The following TM4SF18 variants were observed in gnomAD, a reference collection of about 807,000 sequenced individuals.
TM4SF18 encodes the protein transmembrane 4 L6 family member 18.
In TM4SF18, 22 loss-of-function variants were observed where a neutral mutation model predicts 23.8. That is an observed-to-expected ratio of 0.92 (90% CI 0.66 to 1.32). The LOEUF (loss-of-function observed/expected upper bound fraction) is 1.32, where lower values mean the gene tolerates loss of function less well. Among genes scored for constraint, TM4SF18 ranks in the 40% most tolerant of loss-of-function variants. The probability of loss-of-function intolerance (pLI) is 0.00; values close to 1 mark genes in which losing one functional copy is unlikely to be tolerated. For synonymous variants in TM4SF18, 87 were observed against 87.9 expected, an observed-to-expected ratio of 0.99 and a Z score of 0.06; for missense variants, 255 against 240.3, an observed-to-expected ratio of 1.06 and a Z score of -0.41.
intron 3 of TM4SF18, among the ~76,000 whole-genome samples, chr3:149,327,851 G>A (rs117320349): frequency 4.6e-5 from 7 of 152,072 alleles, no homozygotes; most frequent in East Asian, 1.9e-4. Flanking sequence ...ACATGCACAC[G>A]CACACACTAC....
chr3:149,333,560 G>T lies in TM4SF18; in HGVS notation c.-65C>A. On this transcript the variant is annotated 5_prime_UTR_variant, in exon 1 of 6. Coordinates refer to ENST00000296059, the MANE Select transcript of TM4SF18 (RefSeq NM_138786.4). The stretch of plus-strand genomic sequence containing the variant: ...CACTTCATATTCATGAGGAGACGGG[G>T]AATTGGAATATACCCGCAGCCGACA... The T allele has an allele frequency of 2.2e-6, 1 of 453,792 alleles. No homozygotes were observed. The highest frequency in any genetic ancestry group is 3.8e-6 in the Non-Finnish European group (1 of 266,124). The allele number at this position is 453,792 out of a possible 1,614,324, so 28.1% of individuals were successfully genotyped here.
rs1731144630 is a variant in TM4SF18, at chr3:149,333,607, T to A, written c.-112A>T. ...GACAATCTCAGTGTGAAATACTGGT[T>A]TACTGTTTGGAGAACAATAGACAAT... On this transcript the variant is annotated 5_prime_UTR_variant, in exon 1 of 6. Coordinates refer to ENST00000296059, the MANE Select transcript of TM4SF18 (RefSeq NM_138786.4). 2.4e-6 allele frequency: 1 copy of A among 415,112 alleles called. No individual in the cohort carries two copies. Among genetic ancestry groups the A allele is most frequent in the South Asian group, 8.9e-5 (1 of 11,290 alleles). 25.7% of individuals were successfully genotyped at this position (415,112 alleles called of 1,614,324 possible).
At chr3:149,326,382 T>C (rs951407442) in intron 3 of TM4SF18, among the ~76,000 whole-genome samples, 1 of 152,210 alleles carries the variant, frequency 6.6e-6, no homozygotes, top group Non-Finnish European at 1.5e-5. Context: ...GGGCCTTTCA[T>C]GCTAAGGGTG....
In TM4SF18 at chr3:149,330,398, G is replaced by T. The variant is rs146475504; in HGVS notation, c.199C>A (p.Leu67Ile). The T allele has an allele frequency of 3.2e-4, 510 of 1,606,024 alleles. No individual in the cohort carries two copies. In the Middle Eastern group the frequency reaches 4.0e-3, roughly 13 times the overall value. The change falls in exon 3 of 6, where the codon CTT becomes ATT. Residue 67 changes from leucine (L) to isoleucine (I), a missense_variant. Physicochemically the swap from Leu to Ile is conservative, Grantham distance 5. Coordinates refer to ENST00000296059, the MANE Select transcript of TM4SF18 (RefSeq NM_138786.4). Reference sequence around the variant, plus strand: ...TTGTTATTATTCTCCAGTACCAGAAGAACTGTTGTTACTATAAGCATCTAT... The same window carrying T: ...TTGTTATTATTCTCCAGTACCAGAATAACTGTTGTTACTATAAGCATCTAT... ...GIMMLIVTTV[L>I]LVLENNNNYK...
Position 149,333,399 on chromosome 3 carries a change from C to T in TM4SF18, c.-17G>A, listed in dbSNP as rs779331290. 14 of 1,594,106 alleles carry T rather than the reference C, an allele frequency of 8.8e-6. No individual in the cohort carries two copies. The Middle Eastern group carries it at 1.0e-3, about 113-fold the overall frequency. Reference sequence around the variant, plus strand: ...AGACCCCATTTTGCCCTGCTTAGAACCTGCGGGAGATTTCAAGAGTATACA... The same window carrying T: ...AGACCCCATTTTGCCCTGCTTAGAATCTGCGGGAGATTTCAAGAGTATACA... On this transcript the variant is annotated splice_region_variant and 5_prime_UTR_variant, in exon 2 of 6. Transcript: ENST00000296059.
intron 3 of TM4SF18, 78 bp from the exon 4 acceptor site, chr3:149,325,100 C>A: frequency 6.9e-7 from 1 of 1,442,592 alleles, no homozygotes; most frequent in Non-Finnish European, 9.5e-7. Flanking sequence ...CAGATAGCTA[C>A]ATTCCCCTAT....
rs900453171 is a variant in TM4SF18 at position 149,321,360 on chromosome 3, A to G, written c.*118T>C. 5.3e-6 allele frequency: 4 copies of G among 756,468 alleles called. No individual in the cohort carries two copies. Among genetic ancestry groups the G allele is most frequent in the Admixed American group, 3.1e-5 (1 of 32,572 alleles). The allele number at this position is 756,468 out of a possible 1,614,324, so 46.9% of individuals were successfully genotyped here. On this transcript the variant is annotated 3_prime_UTR_variant, in exon 6 of 6. Transcript: ENST00000296059. ...GCAGTGAGGACTGCAAATTTTTTACAAATAAACACCAAATGCAGAAAGCAC... is the reference window on the plus strand; with the variant it reads ...GCAGTGAGGACTGCAAATTTTTTACGAATAAACACCAAATGCAGAAAGCAC...
At chr3:149,323,059 G>A (rs1463244194) in intron 4 of TM4SF18, among the ~76,000 whole-genome samples, 2 of 151,904 alleles carry the variant, frequency 1.3e-5, no homozygotes, top group Admixed American at 6.6e-5. Flanking sequence ...ACCACGCCCG[G>A]CTAATTTTTT....
Position 149,327,466 on chromosome 3 carries a change from G to GAA in TM4SF18, c.268-2446_268-2445dup, listed in dbSNP as rs11294221. The stretch of plus-strand genomic sequence containing the variant: ...AAGGAGGAAATGAGTAGCTGGAGAT[G>GAA]AAAAAAAAAAAAAAATCCAGAGCTG... On this transcript the variant is annotated intron_variant, in intron 3 of 5. Transcript: ENST00000296059. Among the ~76,000 whole-genome samples, 740 of 139,376 alleles carry GAA rather than the reference G, an allele frequency of 5.3e-3. 10 individuals carry two copies. Among genetic ancestry groups the GAA allele is most frequent in the African/African-American group, 0.018 (683 of 37,964 alleles). The allele number at this position is 139,376 out of a possible 152,430, so 91.4% of individuals were successfully genotyped here.
At chr3:149,322,190 C>A in intron 5 of TM4SF18, 66 bp downstream of exon 5, 2 of 1,372,162 alleles carry the variant, frequency 1.5e-6, no homozygotes, top group South Asian at 1.4e-5. Flanking sequence ...TTTCAAAAAG[C>A]CTCATTGAAT....
At chr3:149,327,112 G>A (rs564411173) in intron 3 of TM4SF18, among the ~76,000 whole-genome samples, 1 of 152,246 alleles carries the variant, frequency 6.6e-6, no homozygotes, top group East Asian at 1.9e-4. Context: ...GCCACGCCTA[G>A]CTCATTTTTG....
intron 3 of TM4SF18, among the ~76,000 whole-genome samples, chr3:149,328,168 G>T (rs944120747): frequency 6.6e-6 from 1 of 152,162 alleles, no homozygotes; most frequent in African/African-American, 2.4e-5. Context: ...CTTAGACTGA[G>T]TAATTAATAA....
Position 149,330,371 on chromosome 3 carries a change from A to T in TM4SF18, c.226T>A (p.Tyr76Asn). Residue 76 changes from tyrosine (Y) to asparagine (N), a missense_variant, in exon 3 of 6, where the codon TAT (tyrosine) becomes AAT (asparagine). Transcript: ENST00000296059. ...CAGTTTTCACTCTGGCAACATTTAT[A>T]GTTGTTATTATTCTCCAGTACCAGA... ...VLLVLENNNN[Y>N]KCCQSENCSK... 1 of 1,612,436 alleles carries T rather than the reference A, an allele frequency of 6.2e-7. No homozygotes were observed. Among genetic ancestry groups the T allele is most frequent in the Non-Finnish European group, 8.5e-7 (1 of 1,179,024 alleles).
At position 149,321,438 on chromosome 3, in the gene TM4SF18, GATGGCC is replaced by G. The variant is rs1730804254; in HGVS notation, c.*34_*39del. 1 of 1,465,532 alleles carries G rather than the reference GATGGCC, an allele frequency of 6.8e-7. No individual in the cohort carries two copies. Among genetic ancestry groups the G allele is most frequent in the African/African-American group, 1.4e-5 (1 of 70,680 alleles). 90.8% of individuals were successfully genotyped at this position (1,465,532 alleles called of 1,614,324 possible). A position where few individuals can be genotyped will look rare whatever the true frequency, so the allele number is the denominator to read the frequency against. On this transcript the variant is annotated 3_prime_UTR_variant, in exon 6 of 6. Coordinates refer to ENST00000296059, the MANE Select transcript of TM4SF18 (RefSeq NM_138786.4). ...ACACAGTTGATATAATATTTAGATA[GATGGCC>G]ATGTCTTGATAATGGAAAACATTTT...
rs985246154 is a variant in TM4SF18, at chr3:149,328,000, CA to C, written c.267+2329del. Among the ~76,000 whole-genome samples, 181 of 149,300 alleles carry C rather than the reference CA, an allele frequency of 1.2e-3. 1 individual carries two copies. Among genetic ancestry groups the C allele is most frequent in the African/African-American group, 4.1e-3 (169 of 41,378 alleles). ...TGGTACCTATGTGACAGGGCAATTTCAAAAATAAAATATAATAAAATATTAG... is the reference window on the plus strand; with the variant it reads ...TGGTACCTATGTGACAGGGCAATTTCAAAATAAAATATAATAAAATATTAG... On this transcript the variant is annotated intron_variant, in intron 3 of 5. Coordinates refer to ENST00000296059, the MANE Select transcript of TM4SF18 (RefSeq NM_138786.4).
At chr3:149,326,477 A>G (rs1730950220) in intron 3 of TM4SF18, among the ~76,000 whole-genome samples, 1 of 152,192 alleles carries the variant, frequency 6.6e-6, no homozygotes, top group African/African-American at 2.4e-5. Flanking sequence ...ATTAGTAAAT[A>G]ACTGCCAAGG....
In TM4SF18 at chr3:149,320,689, G is replaced by A. The variant is rs1398895403; in HGVS notation, c.*789C>T. The stretch of plus-strand genomic sequence containing the variant: ...TCATGATGTTTGCAAATAATGTTGA[G>A]GAATGTGGAAAGAGCATATGCCTTA... On this transcript the variant is annotated 3_prime_UTR_variant, in exon 6 of 6. Coordinates refer to ENST00000296059, the MANE Select transcript of TM4SF18 (RefSeq NM_138786.4). The A allele has an allele frequency of 6.6e-6, 1 of 151,780 alleles. No homozygotes were observed. Among genetic ancestry groups the A allele is most frequent in the Non-Finnish European group, 1.5e-5 (1 of 67,918 alleles). 9.4% of individuals were successfully genotyped at this position (151,780 alleles called of 1,614,324 possible). A position where few individuals can be genotyped will look rare whatever the true frequency, so the allele number is the denominator to read the frequency against.
At chr3:149,327,466 G>GAAAAAAAAAAA (rs11294221) in intron 3 of TM4SF18, among the ~76,000 whole-genome samples, 1 of 139,356 alleles carries the variant, frequency 7.2e-6, no homozygotes. Context: ...AGCTGGAGAT[G>GAAAAAAAAAAA]AAAAAAAAAA....
At chr3:149,324,809 G>C in intron 4 of TM4SF18, 71 bp downstream of exon 4, 1 of 1,592,146 alleles carries the variant, frequency 6.3e-7, no homozygotes, top group Non-Finnish European at 8.6e-7. Flanking sequence ...TGGAAAATGA[G>C]CGTGAGCTTG....
Sources: allele counts gnomAD v4.1 joint callset (sites outside exome capture counted in the v4.1 genomes callset), GRCh38; gene constraint gnomAD v4.1.1; transcripts MANE v1.5; gene names NCBI Gene and HGNC (gene_info 2026-07-23, HGNC 2026-07-21).